KIF26B: variants seen among roughly 807,000 people sequenced by gnomAD.
KIF26B encodes kinesin family member 26B.
KIF26B carries 63 observed loss-of-function variants against 151.2 expected under a neutral mutation model. The ratio of observed to expected loss-of-function variants is 0.42; its 90% CI spans 0.34 to 0.51. KIF26B has a LOEUF of 0.51. Ranked by LOEUF, KIF26B falls within the 20% of genes least tolerant of loss-of-function variation. The probability of loss-of-function intolerance (pLI) is 0.07; values close to 1 mark genes in which losing one functional copy is unlikely to be tolerated. For missense variants in KIF26B, 2,813 were observed against 2,913.6 expected, an observed-to-expected ratio of 0.97 and a Z score of 0.79; for synonymous variants, 1,357 against 1,262.1, an observed-to-expected ratio of 1.08 and a Z score of -1.59.
At chr1:245,674,586 C>T (rs751290505) in intron 10 of KIF26B, among the ~76,000 whole-genome samples, 1 of 152,156 alleles carries the variant, frequency 6.6e-6, no homozygotes, top group Non-Finnish European at 1.5e-5. Flanking sequence ...TTCTATTTGT[C>T]TATAAAGTCC....
intron 9 of KIF26B, among the ~76,000 whole-genome samples, chr1:245,636,828 T>A (rs1419928045): frequency 1.3e-5 from 2 of 151,596 alleles, no homozygotes; most frequent in African/African-American, 4.8e-5. Flanking sequence ...AATGACAGGA[T>A]TTCATTATTT....
intron 4 of KIF26B, among the ~76,000 whole-genome samples, chr1:245,480,646 C>T (rs1052614188): frequency 1.1e-4 from 16 of 151,598 alleles, no homozygotes; most frequent in African/African-American, 3.9e-4. Flanking sequence ...AGTTTGTACT[C>T]TTTCCTTTTA....
chr1:245,198,287 C>T (rs916382727), intron 2 of KIF26B, among the ~76,000 whole-genome samples: 4 of 152,172 alleles, frequency 2.6e-5, no homozygotes, highest in African/African-American at 9.7e-5. Context: ...TGCTATGTGC[C>T]CTCAGACAAG....
intron 9 of KIF26B, among the ~76,000 whole-genome samples, chr1:245,634,293 T>C (rs139402080): frequency 1.9e-3 from 286 of 152,342 alleles, no homozygotes; most frequent in African/African-American, 6.2e-3. Flanking sequence ...TCATTTGACT[T>C]TCTTTCCAAT....
At chr1:245,653,230 T>G (rs1419604862) in intron 10 of KIF26B, among the ~76,000 whole-genome samples, 1 of 152,054 alleles carries the variant, frequency 6.6e-6, no homozygotes, top group East Asian at 1.9e-4. Context: ...CCTTCCTCCC[T>G]TGGAGGAAGT....
chr1:245,315,654 G>A (rs980866782), intron 2 of KIF26B, among the ~76,000 whole-genome samples: 4 of 151,610 alleles, frequency 2.6e-5, no homozygotes, highest in East Asian at 1.9e-4. Flanking sequence ...CTCAGGAGGC[G>A]GAGGTTGCAG....
At chr1:245,386,948 T>G (rs1038987505) in intron 3 of KIF26B, among the ~76,000 whole-genome samples, 4 of 152,104 alleles carry the variant, frequency 2.6e-5, no homozygotes, top group African/African-American at 9.7e-5. Context: ...CAGGTCACAC[T>G]GGGGACATGC....
chr1:245,661,575 T>TAC (rs1191026308), intron 10 of KIF26B, among the ~76,000 whole-genome samples: 7 of 150,904 alleles, frequency 4.6e-5, no homozygotes, highest in African/African-American at 1.5e-4. Context: ...TATATATATA[T>TAC]ACACACCCCC....
chr1:245,542,609 G>A (rs1357795103), intron 5 of KIF26B, among the ~76,000 whole-genome samples: 5 of 152,242 alleles, frequency 3.3e-5, no homozygotes, highest in Admixed American at 3.3e-4. Flanking sequence ...GTGGGTGGGA[G>A]CCCCCGAGGA....
At chr1:245,319,775 T>G (rs1671848491) in intron 2 of KIF26B, among the ~76,000 whole-genome samples, 1 of 152,172 alleles carries the variant, frequency 6.6e-6, no homozygotes. Flanking sequence ...CTTTCTAAAA[T>G]CAGGTTGGAG....
In KIF26B at chr1:245,685,489, A is replaced by G. The variant is rs781417342; in HGVS notation, c.2506A>G (p.Arg836Gly). ...RPTQLRPFHT[R>G]ATVDPDFPIA... ...CACCCAGCTGAGACCCTTCCACACC[A>G]GGGCCACGGTGGACCCTGACTTCCC... Residue 836 changes from arginine to glycine, a missense_variant, in exon 12 of 15, where the codon AGG becomes GGG. Coordinates refer to ENST00000407071, the MANE Select transcript of KIF26B (RefSeq NM_018012.4). The G allele has an allele frequency of 6.2e-7, 1 of 1,613,688 alleles. No homozygotes were observed. The highest frequency in any genetic ancestry group is 2.2e-5 in the East Asian group (1 of 44,874).
At chr1:245,570,012 T>C (rs1327176221) in intron 5 of KIF26B, among the ~76,000 whole-genome samples, 2 of 135,168 alleles carry the variant, frequency 1.5e-5, no homozygotes, top group Admixed American at 8.4e-5. Context: ...CTCAGCTCAC[T>C]GCAAGCTCCG....
At chr1:245,558,950 G>A (rs996269598) in intron 5 of KIF26B, among the ~76,000 whole-genome samples, 3 of 152,208 alleles carry the variant, frequency 2.0e-5, no homozygotes, top group Non-Finnish European at 2.9e-5. Flanking sequence ...TGAAGGCAGA[G>A]TTCTTGTCAG....
In KIF26B at chr1:245,687,498, C is replaced by T. The variant is rs777053804; in HGVS notation, c.4515C>T (p.Asn1505=). 5.7e-6 allele frequency: 9 copies of T among 1,580,946 alleles called. No individual in the cohort carries two copies. The highest frequency in any genetic ancestry group is 2.3e-5 in the East Asian group (1 of 43,020). ...GEVSASPVTD[N]FRRVVDGCEM... ...TGTCGGCCTCCCCGGTCACTGACAACTTCAGGAGGGTCGTGGATGGGTGTG... is the reference window on the plus strand; with the variant it reads ...TGTCGGCCTCCCCGGTCACTGACAATTTCAGGAGGGTCGTGGATGGGTGTG... The change falls in exon 12 of 15, where the codon AAC becomes AAT. Residue 1505 remains asparagine (N), a synonymous_variant. Coordinates refer to ENST00000407071, the MANE Select transcript of KIF26B (RefSeq NM_018012.4). The surrounding 1 kb of genome is among the most constrained non-coding windows in gnomAD (Gnocchi z 4.9).
intron 5 of KIF26B, among the ~76,000 whole-genome samples, chr1:245,575,017 A>G (rs2043104233): frequency 6.6e-6 from 1 of 150,448 alleles, no homozygotes; most frequent in South Asian, 2.1e-4. Context: ...GGCGCCCGCC[A>G]CCACACCCGG....
At chr1:245,431,860 T>G (rs1356914147) in intron 4 of KIF26B, among the ~76,000 whole-genome samples, 1 of 152,224 alleles carries the variant, frequency 6.6e-6, no homozygotes, top group East Asian at 1.9e-4. Context: ...AAAAGGTTTT[T>G]CAGTGACTTA....
chr1:245,641,215 G>C (rs780214512), intron 9 of KIF26B, among the ~76,000 whole-genome samples: 1 of 151,940 alleles, frequency 6.6e-6, no homozygotes. Flanking sequence ...TTTGATGTCC[G>C]TTGTATGTTA....
At chr1:245,435,896 G>A (rs1257482847) in intron 4 of KIF26B, among the ~76,000 whole-genome samples, 2 of 152,214 alleles carry the variant, frequency 1.3e-5, no homozygotes, top group African/African-American at 2.4e-5. Context: ...GAAAGGAGTT[G>A]GCCGGACCCA....
chr1:245,550,754 T>A (rs890117700), intron 5 of KIF26B, among the ~76,000 whole-genome samples: 3 of 152,158 alleles, frequency 2.0e-5, no homozygotes, highest in Non-Finnish European at 4.4e-5. Context: ...ATTTGTAAAC[T>A]CCTCACTCAC....
Sources: gnomAD v4.1 joint callset for allele counts (sites outside exome capture counted in the v4.1 genomes callset) on GRCh38, gnomAD v4.1.1 for gene constraint, Gnocchi (gnomAD v3.1) non-coding constraint, MANE v1.5 for transcripts, NCBI Gene and HGNC (gene_info 2026-07-23, HGNC 2026-07-21) for gene names.